The following ASB18 variants were observed in gnomAD, a reference collection of about 807,000 sequenced individuals.
ASB18 encodes the protein ankyrin repeat and SOCS box protein 18.
ASB18 carries 33 observed loss-of-function variants against 33.4 expected under a neutral mutation model. The observed-to-expected ratio is 0.99, with a 90% confidence interval of 0.75 to 1.32. ASB18 has a LOEUF of 1.32. Among genes scored for constraint, ASB18 ranks in the 40% most tolerant of loss-of-function variants. The probability of loss-of-function intolerance (pLI) is 0.00; values close to 1 mark genes in which losing one functional copy is unlikely to be tolerated. For missense variants in ASB18, 694 were observed against 655.5 expected (o/e 1.06, Z -0.64); for synonymous variants, 295 against 307.6 (o/e 0.96, Z 0.43).
intron 3 of ASB18, among the ~76,000 whole-genome samples, chr2:236,233,295 G>GA (rs1174415066): frequency 6.6e-6 from 1 of 152,028 alleles, no homozygotes; most frequent in African/African-American, 2.4e-5. Flanking sequence ...CTGTATCTCT[G>GA]AAAAAAGGAA....
At chr2:236,201,724 A>G (rs1250343706) in intron 4 of ASB18, among the ~76,000 whole-genome samples, 1 of 150,772 alleles carries the variant, frequency 6.6e-6, no homozygotes, top group Non-Finnish European at 1.5e-5. Context: ...TCTGTGATAG[A>G]TATGAATTAA....
At position 236,262,940 on chromosome 2, in the gene ASB18, C is replaced by G. The variant is rs866571727; in HGVS notation, c.205+1201G>C. ...ATCTCAGACTCCTCGCCTCAGCACCCTGCAAGCTCCATTCCCTAGCAGCAA... is the reference window on the plus strand; with the variant it reads ...ATCTCAGACTCCTCGCCTCAGCACCGTGCAAGCTCCATTCCCTAGCAGCAA... On this transcript the variant is annotated intron_variant, in intron 1 of 5. Coordinates refer to ENST00000409749, the MANE Select transcript of ASB18 (RefSeq NM_212556.4). The surrounding 1 kb of genome is among the most constrained non-coding windows in gnomAD (Gnocchi z 5.2). Among the ~76,000 whole-genome samples the G allele has an allele frequency of 2.6e-5, 4 of 152,212 alleles. No individual in the cohort carries two copies. Among genetic ancestry groups the G allele is most frequent in the South Asian group, 2.1e-4 (1 of 4,834 alleles).
rs1488563961 is a variant in ASB18, at chr2:236,215,016, A to G, written c.597-150T>C. The G allele has an allele frequency of 1.2e-5, 5 of 412,840 alleles. No homozygotes were observed. The Admixed American group carries it at 2.2e-4, about 18-fold the overall frequency. The allele number at this position is 412,840 out of a possible 1,614,324, so 25.6% of individuals were successfully genotyped here. ...CCAAGGCGTCAGGAGTTCAAACTAA[A>G]CTGGAAAAAAAAAAAAAAAAAAAGA... On this transcript the variant is annotated intron_variant, in intron 3 of 5. Transcript: ENST00000409749. This position sits in a 1 kb window ranked among gnomAD's most constrained non-coding sequence, Gnocchi z 7.2.
rs1293766872 is a variant in ASB18 at position 236,229,333 on chromosome 2, CAG to C, written c.596+8354_596+8355del. On this transcript the variant is annotated intron_variant, in intron 3 of 5. Coordinates refer to ENST00000409749, the MANE Select transcript of ASB18 (RefSeq NM_212556.4). The surrounding 1 kb of genome is among the most constrained non-coding windows in gnomAD (Gnocchi z 5.2). ...CAGAAGAGAAGATCAATCAATCAAT[CAG>C]AGAGAGAGGCTGAGCAAAATGAACA... Among the ~76,000 whole-genome samples the C allele has an allele frequency of 1.3e-5, 2 of 152,018 alleles. No homozygotes were observed. The highest frequency in any genetic ancestry group is 2.9e-5 in the Non-Finnish European group (2 of 68,024).
In ASB18 at chr2:236,251,913, A is replaced by G. The variant is rs1347908033; in HGVS notation, c.206-10511T>C. Among the ~76,000 whole-genome samples, 1 of 152,182 alleles carries G rather than the reference A, an allele frequency of 6.6e-6. No homozygotes were observed. The highest frequency in any genetic ancestry group is 2.4e-5 in the African/African-American group (1 of 41,426). ...GGGTAAATTGCTGTTCAGTTTGGAA[A>G]TGTTCTATACTGAGTTTACATGTAC... On this transcript the variant is annotated intron_variant, in intron 1 of 5. Coordinates refer to ENST00000409749, the MANE Select transcript of ASB18 (RefSeq NM_212556.4). This position sits in a 1 kb window ranked among gnomAD's most constrained non-coding sequence, Gnocchi z 5.3.
rs2060564247 is a variant in ASB18 at position 236,231,461 on chromosome 2, T to C, written c.596+6228A>G. ...TTCCATTTTTTCTGCTCCTCTGCCA[T>C]GTGACAATGCAGCAACACAATGCCA... is the stretch of plus-strand genomic sequence containing the variant. On this transcript the variant is annotated intron_variant, in intron 3 of 5. Transcript: ENST00000409749. This position sits in a 1 kb window ranked among gnomAD's most constrained non-coding sequence, Gnocchi z 5.5. Among the ~76,000 whole-genome samples the C allele has an allele frequency of 6.6e-6, 1 of 152,146 alleles. No homozygotes were observed. Among genetic ancestry groups the C allele is most frequent in the Admixed American group, 6.6e-5 (1 of 15,264 alleles).
rs560083281 is a variant in ASB18 at position 236,195,269 on chromosome 2, A to G, written c.1216-212T>C. 1.2e-4 allele frequency among the ~76,000 whole-genome samples: 19 copies of G among 152,250 alleles called. No homozygotes were observed. The East Asian group carries it at 3.3e-3, about 26-fold the overall frequency. On this transcript the variant is annotated intron_variant, in intron 5 of 5. Coordinates refer to ENST00000409749, the MANE Select transcript of ASB18 (RefSeq NM_212556.4). This position sits in a 1 kb window ranked among gnomAD's most constrained non-coding sequence, Gnocchi z 5.5. The stretch of plus-strand genomic sequence containing the variant: ...CAAAGCACAGTTCCTGCCGAGTGAG[A>G]GGGGATTCTGACTGGGGTGACTTCA...
Position 236,243,835 on chromosome 2 carries a change from CCT to C in ASB18, c.206-2435_206-2434del, listed in dbSNP as rs1264658119. The stretch of plus-strand genomic sequence containing the variant: ...TAACATAAATAATATGCAATTCCTT[CCT>C]TTTTTTTGAGATAGAGTCTTGCTCT... On this transcript the variant is annotated intron_variant, in intron 1 of 5. Transcript: ENST00000409749. Among the ~76,000 whole-genome samples, 5 of 151,992 alleles carry C rather than the reference CCT, an allele frequency of 3.3e-5. No individual in the cohort carries two copies. The East Asian group carries it at 9.6e-4, about 29-fold the overall frequency.
chr2:236,243,347 G>C (rs1183908298), intron 1 of ASB18, among the ~76,000 whole-genome samples: 1 of 133,232 alleles, frequency 7.5e-6, no homozygotes, highest in Non-Finnish European at 1.6e-5. Context: ...AAAAAAAAAA[G>C]AGTAATTACT....
chr2:236,215,104 G>A lies in ASB18; in HGVS notation c.597-238C>T, dbSNP rs2060481999. Among the ~76,000 whole-genome samples the A allele has an allele frequency of 6.6e-6, 1 of 151,862 alleles. No individual in the cohort carries two copies. The highest frequency in any genetic ancestry group is 1.9e-4 in the East Asian group (1 of 5,156). ...CAAAGGATATGCCATAAGAATCCAC[G>A]TGCAGAGTTACAATTTATAAGGAAA... On this transcript the variant is annotated intron_variant, in intron 3 of 5. Coordinates refer to ENST00000409749, the MANE Select transcript of ASB18 (RefSeq NM_212556.4). The surrounding 1 kb of genome is among the most constrained non-coding windows in gnomAD (Gnocchi z 7.2).
intron 4 of ASB18, among the ~76,000 whole-genome samples, chr2:236,199,530 AATG>A (rs1174362087): frequency 6.7e-6 from 1 of 150,326 alleles, no homozygotes; most frequent in African/African-American, 2.4e-5. Flanking sequence ...AAAAATATAA[AATG>A]ATAATATCAC....
chr2:236,194,508 T>C lies in ASB18; in HGVS notation c.*364A>G, dbSNP rs1370891186. Reference sequence around the variant, plus strand: ...TCAATTAACCTTGGGAAAACTGGCATTGTTATACCTCATTTAGCTTAAAGC... The same window carrying C: ...TCAATTAACCTTGGGAAAACTGGCACTGTTATACCTCATTTAGCTTAAAGC... On this transcript the variant is annotated 3_prime_UTR_variant, in exon 6 of 6. Coordinates refer to ENST00000409749, the MANE Select transcript of ASB18 (RefSeq NM_212556.4). This position sits in a 1 kb window ranked among gnomAD's most constrained non-coding sequence, Gnocchi z 4.5. Among the ~76,000 whole-genome samples, 1 of 152,184 alleles carries C rather than the reference T, an allele frequency of 6.6e-6. No individual in the cohort carries two copies. The highest frequency in any genetic ancestry group is 1.5e-5 in the Non-Finnish European group (1 of 68,044).
At chr2:236,210,408 T>C (rs35819191) in intron 4 of ASB18, 26,220 of 152,148 alleles carry the variant, frequency 0.17, 2,274 homozygotes, top group South Asian at 0.25. Flanking sequence ...CTCTCAACCA[T>C]AAATTATGCA....
intron 3 of ASB18, among the ~76,000 whole-genome samples, chr2:236,224,672 C>T (rs544830451): frequency 1.8e-4 from 27 of 152,320 alleles, no homozygotes; most frequent in African/African-American, 6.3e-4. Flanking sequence ...TGGCATAACA[C>T]GGACTCTCTC....
rs567192204 is a variant in ASB18 at position 236,241,511 on chromosome 2, G to A, written c.206-109C>T. The stretch of plus-strand genomic sequence containing the variant: ...AGTTTTCCTCTCACTGGCCCTGGCT[G>A]TCTCTCCATTGAGATGCCGTCGATT... On this transcript the variant is annotated intron_variant, in intron 1 of 5. Transcript: ENST00000409749. The surrounding 1 kb of genome is among the most constrained non-coding windows in gnomAD (Gnocchi z 4.2). 14 of 1,348,652 alleles carry A rather than the reference G, an allele frequency of 1.0e-5. No homozygotes were observed. The Admixed American group carries it at 2.7e-4, about 26-fold the overall frequency. The allele number at this position is 1,348,652 out of a possible 1,614,324, so 83.5% of individuals were successfully genotyped here.
chr2:236,195,912 G>A lies in ASB18; in HGVS notation c.1215+360C>T, dbSNP rs776170279. 8 of 340,576 alleles carry A rather than the reference G, an allele frequency of 2.3e-5. No homozygotes were observed. Among genetic ancestry groups the A allele is most frequent in the Non-Finnish European group, 4.6e-5 (8 of 174,874 alleles). 21.1% of individuals were successfully genotyped at this position (340,576 alleles called of 1,614,324 possible). On this transcript the variant is annotated intron_variant, in intron 5 of 5. Transcript: ENST00000409749. This position sits in a 1 kb window ranked among gnomAD's most constrained non-coding sequence, Gnocchi z 5.5. ...CTTGGTCGTATCTTGAGCTGCTGGA[G>A]CATGAAGCTGACTCACAGGGCCGGA...
rs2060552555 is a variant in ASB18 at position 236,228,820 on chromosome 2, A to T, written c.596+8869T>A. Among the ~76,000 whole-genome samples the T allele has an allele frequency of 6.6e-6, 1 of 152,248 alleles. No individual in the cohort carries two copies. Among genetic ancestry groups the T allele is most frequent in the Non-Finnish European group, 1.5e-5 (1 of 68,046 alleles). ...TTGACTTCTGATTAATAAAGCTTAA[A>T]GGCAAGACCCAAAAGGATCAAACTA... On this transcript the variant is annotated intron_variant, in intron 3 of 5. Transcript: ENST00000409749. The surrounding 1 kb of genome is among the most constrained non-coding windows in gnomAD (Gnocchi z 5.1).
rs1289610555 is a variant in ASB18 at position 236,239,674 on chromosome 2, G to T, written c.328+1606C>A. Among the ~76,000 whole-genome samples, 1 of 152,222 alleles carries T rather than the reference G, an allele frequency of 6.6e-6. No individual in the cohort carries two copies. The highest frequency in any genetic ancestry group is 6.5e-5 in the Admixed American group (1 of 15,288). On this transcript the variant is annotated intron_variant, in intron 2 of 5. Coordinates refer to ENST00000409749, the MANE Select transcript of ASB18 (RefSeq NM_212556.4). The surrounding 1 kb of genome is among the most constrained non-coding windows in gnomAD (Gnocchi z 5.6). ...GCTGGATGGGCCAGCATTCTATCAC[G>T]GAGGGGCACCGAGGTGGTGGCCACT...
rs1411104437 is a variant in ASB18, at chr2:236,263,233, G to A, written c.205+908C>T. On this transcript the variant is annotated intron_variant, in intron 1 of 5. Coordinates refer to ENST00000409749, the MANE Select transcript of ASB18 (RefSeq NM_212556.4). The surrounding 1 kb of genome is among the most constrained non-coding windows in gnomAD (Gnocchi z 4.0). ...AGGGATGATGTCTATGTTACGTGAA[G>A]AAGTCCTACAAAATGATAAAAATGA... Among the ~76,000 whole-genome samples, 1 of 152,246 alleles carries A rather than the reference G, an allele frequency of 6.6e-6. No individual in the cohort carries two copies. Among genetic ancestry groups the A allele is most frequent in the Non-Finnish European group, 1.5e-5 (1 of 68,050 alleles).
Sources: gnomAD v4.1 joint callset for allele counts (sites outside exome capture counted in the v4.1 genomes callset) on GRCh38, gnomAD v4.1.1 for gene constraint, Gnocchi (gnomAD v3.1) non-coding constraint, MANE v1.5 for transcripts, NCBI Gene and HGNC (gene_info 2026-07-23, HGNC 2026-07-21) for gene names.